Variants in TAP2 observed in about 807,000 individuals in gnomAD.
TAP2 encodes the protein transporter 2, ATP binding cassette subfamily B member.
A neutral mutation model predicts 74.7 loss-of-function variants in TAP2; 49 were observed. That is an observed-to-expected ratio of 0.66 (90% CI 0.52 to 0.83). The LOEUF is 0.83. TAP2 is among the 40% of genes least tolerant of loss of function. The pLI, the probability that TAP2 is intolerant of heterozygous loss-of-function variation, is 0.00. For missense variants in TAP2, 739 were observed against 859.0 expected (o/e 0.86, Z 1.75); for synonymous variants, 306 against 368.4 (o/e 0.83, Z 1.94).
At position 32,826,997 on chromosome 6, in the gene TAP2, G is replaced by A. The variant is rs73738925; in HGVS notation, c.*1909C>T. 0.01 allele frequency: 10,173 copies of A among 985,352 alleles called. 461 individuals carry two copies. In the African/African-American group the frequency reaches 0.13, roughly 12 times the overall value. The allele number at this position is 985,352 out of a possible 1,614,324, so 61.0% of individuals were successfully genotyped here. ...GCCTATTTTACCCTCTGTGAAATTT[G>A]AGAGATGGATGGGTGTGGAGCTGCA... is the stretch of plus-strand genomic sequence containing the variant. On this transcript the variant is annotated 3_prime_UTR_variant, in exon 12 of 12. Coordinates refer to ENST00000374897, the MANE Select transcript of TAP2 (RefSeq NM_001290043.2).
In TAP2 at chr6:32,825,700, A is replaced by T. The variant is rs1339998706; in HGVS notation, c.*3206T>A. ...CATTCATATATTGCTTATTTAAATA[A>T]ATAAATAATATATTTTAAAAAGAGG... On this transcript the variant is annotated 3_prime_UTR_variant, in exon 12 of 12. Coordinates refer to ENST00000374897, the MANE Select transcript of TAP2 (RefSeq NM_001290043.2). 1 of 151,100 alleles carries T rather than the reference A, an allele frequency of 6.6e-6. No homozygotes were observed. Among genetic ancestry groups the T allele is most frequent in the East Asian group, 1.9e-4 (1 of 5,206 alleles). 9.4% of individuals were successfully genotyped at this position (151,100 alleles called of 1,614,324 possible).
Position 32,838,039 on chromosome 6 carries a change from C to T in TAP2, c.195G>A (p.Leu65=), listed in dbSNP as rs1749215012. ...GGGTGGCCAGACAGAGCGGGAGCAG[C>T]AGTGTCCCCACAAATCCCAGCAGCC... The part of the protein sequence containing the change: ...LRGLLGFVGT[L]LLPLCLATPL... Residue 65 remains leucine, a synonymous_variant, in exon 2 of 12, where the codon CTG becomes CTA. Transcript: ENST00000374897. 2 of 1,612,340 alleles carry T rather than the reference C, an allele frequency of 1.2e-6. No homozygotes were observed. Among genetic ancestry groups the T allele is most frequent in the Non-Finnish European group, 1.7e-6 (2 of 1,179,836 alleles).
chr6:32,830,143 C>A, intron 9 of TAP2, 54 bp from the exon 10 acceptor site: 1 of 1,612,588 alleles, frequency 6.2e-7, no homozygotes, highest in South Asian at 1.1e-5. Context: ...AAGGCAGGGG[C>A]CCTTTTGTCC....
At chr6:32,834,221 G>A (rs1223785698) in intron 5 of TAP2, among the ~76,000 whole-genome samples, 1 of 152,178 alleles carries the variant, frequency 6.6e-6, no homozygotes, top group Non-Finnish European at 1.5e-5. Flanking sequence ...ACAGCCAAAA[G>A]GTGGAAACAA....
chr6:32,830,060 C>T lies in TAP2; in HGVS notation c.1665G>A (p.Leu555=), dbSNP rs758267187. 2.5e-6 allele frequency: 4 copies of T among 1,613,102 alleles called. No individual in the cohort carries two copies. Among genetic ancestry groups the T allele is most frequent in the Non-Finnish European group, 2.5e-6 (3 of 1,180,036 alleles). Residue 555 remains leucine, a synonymous_variant, in exon 10 of 12, where the codon CTG becomes CTA. Coordinates refer to ENST00000374897, the MANE Select transcript of TAP2 (RefSeq NM_001290043.2). ...TGTTGTTCCTCACAGAACCGGAGAA[C>T]AGCACAGGCTCCTGCCCAACTGAAA... ...QVVSVGQEPV[L]FSGSVRNNIA...
downstream of TAP2, chr6:32,821,962 G>C (rs73410774): frequency 0.042 from 12,653 of 298,634 alleles, 706 homozygotes; most frequent in African/African-American, 0.17. Context: ...GAGGGGAAGG[G>C]GCTGGGGAAG....
Position 32,828,677 on chromosome 6 carries a change from C to CTCTA in TAP2, c.*228_*229insTAGA, listed in dbSNP as rs28381589. On this transcript the variant is annotated 3_prime_UTR_variant, in exon 12 of 12. Transcript: ENST00000374897. ...ATTAAGTTTCCTGGACACAGACAGC[C>CTCTA]CCCACCCCACCCCACCCCACCTCTC... is the stretch of plus-strand genomic sequence containing the variant. 1 of 971,808 alleles carries CTCTA rather than the reference C, an allele frequency of 1.0e-6. No individual in the cohort carries two copies. Among genetic ancestry groups the CTCTA allele is most frequent in the Non-Finnish European group, 1.2e-6 (1 of 806,874 alleles). The allele number at this position is 971,808 out of a possible 1,614,324, so 60.2% of individuals were successfully genotyped here. A position where few individuals can be genotyped will look rare whatever the true frequency, so the allele number is the denominator to read the frequency against.
chr6:32,838,502 C>G (rs552089705), intron 1 of TAP2, among the ~76,000 whole-genome samples, 151 bp downstream of exon 1: 28 of 152,064 alleles, frequency 1.8e-4, no homozygotes, highest in South Asian at 1.5e-3. Flanking sequence ...CCCCCACCCC[C>G]ACCCCCGCCT....
chr6:32,830,861 A>C, intron 7 of TAP2, 55 bp from the exon 8 acceptor site: 1 of 1,467,942 alleles, frequency 6.8e-7, no homozygotes. Context: ...ACCAGAAACC[A>C]CCCTCCCAAC....
In TAP2 at chr6:32,826,007, A is replaced by G. The variant is rs182897880; in HGVS notation, c.*2899T>C. On this transcript the variant is annotated 3_prime_UTR_variant, in exon 12 of 12. Coordinates refer to ENST00000374897, the MANE Select transcript of TAP2 (RefSeq NM_001290043.2). ...AGTAGTAGTAGTAGTCTAATTCCTA[A>G]GAGTCCATGGAACTCTAGGTTCAAA... is the stretch of plus-strand genomic sequence containing the variant. The G allele has an allele frequency of 3.6e-4, 356 of 985,434 alleles. 3 individuals are homozygous for G. The African/African-American group carries it at 6.0e-3, about 17-fold the overall frequency. The allele number at this position is 985,434 out of a possible 1,614,324, so 61.0% of individuals were successfully genotyped here.
In TAP2 at chr6:32,827,727, G is replaced by A. The variant is rs895281247; in HGVS notation, c.*1179C>T. 27 of 922,490 alleles carry A rather than the reference G, an allele frequency of 2.9e-5. 3 individuals carry two copies. The highest frequency in any genetic ancestry group is 5.6e-5 in the South Asian group (1 of 17,900). 57.1% of individuals were successfully genotyped at this position (922,490 alleles called of 1,614,324 possible). A position where few individuals can be genotyped will look rare whatever the true frequency, so the allele number is the denominator to read the frequency against. On this transcript the variant is annotated 3_prime_UTR_variant, in exon 12 of 12. Transcript: ENST00000374897. Reference sequence around the variant, plus strand: ...CAGGAGAGGGTGAGACAGATGGGCTGGAACAGTGTGTGCTCTGAAAAGGAT... The same window carrying A: ...CAGGAGAGGGTGAGACAGATGGGCTAGAACAGTGTGTGCTCTGAAAAGGAT...
In TAP2 at chr6:32,826,822, G is replaced by A. The variant is rs989508287; in HGVS notation, c.*2084C>T. 2.4e-5 allele frequency: 24 copies of A among 985,396 alleles called. No homozygotes were observed. The East Asian group carries it at 4.5e-4, about 19-fold the overall frequency. 61.0% of individuals were successfully genotyped at this position (985,396 alleles called of 1,614,324 possible). On this transcript the variant is annotated 3_prime_UTR_variant, in exon 12 of 12. Transcript: ENST00000374897. ...TGATGCATGGGTATAACTGTACTGA[G>A]GAAATCAAAGAATTTCTCAGATCAT...
At chr6:32,824,910 A>G (rs969266588), downstream of TAP2, among the ~76,000 whole-genome samples, 1 of 151,770 alleles carries the variant, frequency 6.6e-6, no homozygotes, top group African/African-American at 2.4e-5. Context: ...TTACAGTCAT[A>G]TTTCATTTCT....
rs925210714 is a variant in TAP2 at position 32,830,856 on chromosome 6, A to G, written c.1273-50T>C. 4 of 1,523,510 alleles carry G rather than the reference A, an allele frequency of 2.6e-6. No homozygotes were observed. In the African/African-American group the frequency reaches 5.5e-5, roughly 21 times the overall value. 94.4% of individuals were successfully genotyped at this position (1,523,510 alleles called of 1,614,324 possible). The stretch of plus-strand genomic sequence containing the variant: ...GGCTAATTAAACACACTTCTACCAG[A>G]AACCACCCTCCCAACTCCTCACACA... On this transcript the variant is annotated intron_variant, in intron 7 of 11. Transcript: ENST00000374897.
chr6:32,822,388 T>G, downstream of TAP2: 1 of 1,042,632 alleles, frequency 9.6e-7, no homozygotes, highest in Non-Finnish European at 1.4e-6. Flanking sequence ...AGAATCTGTT[T>G]GCAATGTTTT....
Position 32,828,261 on chromosome 6 carries a change from G to A in TAP2, c.*645C>T, listed in dbSNP as rs1336028757. 2 of 984,244 alleles carry A rather than the reference G, an allele frequency of 2.0e-6. No individual in the cohort carries two copies. Among genetic ancestry groups the A allele is most frequent in the Admixed American group, 6.2e-5 (1 of 16,260 alleles). 61.0% of individuals were successfully genotyped at this position (984,244 alleles called of 1,614,324 possible). On this transcript the variant is annotated 3_prime_UTR_variant, in exon 12 of 12. Coordinates refer to ENST00000374897, the MANE Select transcript of TAP2 (RefSeq NM_001290043.2). ...CTACTCCCATTAAAACTCTATAAATGGTAGCTGTTACCAATGTCGCTATTA... is the reference window on the plus strand; with the variant it reads ...CTACTCCCATTAAAACTCTATAAATAGTAGCTGTTACCAATGTCGCTATTA...
chr6:32,822,532 T>TTTTG (rs138505424), downstream of TAP2, among the ~76,000 whole-genome samples: 16 of 152,118 alleles, frequency 1.1e-4, no homozygotes, highest in Admixed American at 4.6e-4. Flanking sequence ...GCCATTTAAT[T>TTTTG]TTTGTTTGTT....
downstream of TAP2, among the ~76,000 whole-genome samples, chr6:32,824,071 C>T (rs114577774): frequency 6.6e-6 from 1 of 152,210 alleles, no homozygotes; most frequent in South Asian, 2.1e-4. Context: ...ATGTTACAGA[C>T]AAGAACATCA....
rs1768697501 is a variant in TAP2, at chr6:32,827,054, T to A, written c.*1852A>T. ...CCCCAGGATGAAAGAAAGGCAAATC[T>A]GCACAAGAAACTGCCCACTCTCACC... On this transcript the variant is annotated 3_prime_UTR_variant, in exon 12 of 12. Coordinates refer to ENST00000374897, the MANE Select transcript of TAP2 (RefSeq NM_001290043.2). 1.0e-6 allele frequency: 1 copy of A among 985,690 alleles called. No individual in the cohort carries two copies. The highest frequency in any genetic ancestry group is 1.7e-5 in the African/African-American group (1 of 57,342). 61.1% of individuals were successfully genotyped at this position (985,690 alleles called of 1,614,324 possible). A position where few individuals can be genotyped will look rare whatever the true frequency, so the allele number is the denominator to read the frequency against.
Sources: allele counts gnomAD v4.1 joint callset (sites outside exome capture counted in the v4.1 genomes callset), GRCh38; gene constraint gnomAD v4.1.1; transcripts MANE v1.5; gene names NCBI Gene and HGNC (gene_info 2026-07-23, HGNC 2026-07-21).